Variants in UNC5D observed in about 807,000 individuals in gnomAD.
UNC5D encodes the protein unc-5 netrin receptor D.
A neutral mutation model predicts 105.4 loss-of-function variants in UNC5D; 39 were observed. The observed-to-expected ratio is 0.37, with a 90% CI of 0.29 to 0.48. UNC5D has a LOEUF of 0.48. Among genes scored for constraint, UNC5D ranks in the 20% least tolerant of loss-of-function variants. UNC5D has a pLI of 0.98. For synonymous variants in UNC5D, 452 were observed against 450.4 expected, an observed-to-expected ratio of 1.00 and a Z score of -0.04; for missense variants, 991 against 1,202.4, an observed-to-expected ratio of 0.82 and a Z score of 2.60.
intron 1 of UNC5D, among the ~76,000 whole-genome samples, chr8:35,441,705 G>A (rs1043347189): frequency 1.3e-5 from 2 of 151,618 alleles, no homozygotes; most frequent in East Asian, 1.9e-4. Context: ...TATAAAATAA[G>A]TTGCCCATTT....
chr8:35,626,140 T>C (rs1040414361), intron 4 of UNC5D, among the ~76,000 whole-genome samples: 4 of 151,852 alleles, frequency 2.6e-5, no homozygotes, highest in African/African-American at 9.7e-5. Flanking sequence ...GACCTCATGT[T>C]CCATTGTGTC....
At chr8:35,599,444 C>T (rs1166850676) in intron 4 of UNC5D, among the ~76,000 whole-genome samples, 1 of 152,080 alleles carries the variant, frequency 6.6e-6, no homozygotes, top group Admixed American at 6.6e-5. Flanking sequence ...TTCGACAGTA[C>T]ACACATATTT....
At chr8:35,525,069 G>A in intron 1 of UNC5D, 3 of 1,031,840 alleles carry the variant, frequency 2.9e-6, no homozygotes, top group Non-Finnish European at 2.8e-6. Flanking sequence ...TTTGTTAAGA[G>A]CCAACAGGAC....
intron 3 of UNC5D, among the ~76,000 whole-genome samples, chr8:35,570,370 G>C (rs141076171): frequency 0.012 from 1,831 of 152,178 alleles, 17 homozygotes; most frequent in Non-Finnish European, 0.018. Context: ...ATTGATAAAA[G>C]GGTGCCTGGT....
intron 1 of UNC5D, among the ~76,000 whole-genome samples, chr8:35,501,488 T>C (rs990758506): frequency 2.0e-5 from 3 of 152,238 alleles, no homozygotes; most frequent in Admixed American, 2.0e-4. Flanking sequence ...TAAGCTCCTC[T>C]TGGAGGGAAA....
intron 16 of UNC5D, among the ~76,000 whole-genome samples, chr8:35,785,141 G>A (rs1452745128): frequency 1.3e-5 from 2 of 151,922 alleles, no homozygotes; most frequent in Non-Finnish European, 2.9e-5. Context: ...TATTAACAAT[G>A]TTCCCTGAAT....
chr8:35,765,884 T>G (rs367601846), intron 14 of UNC5D, among the ~76,000 whole-genome samples: 213 of 152,208 alleles, frequency 1.4e-3, no homozygotes, highest in African/African-American at 4.1e-3. Context: ...AGCAAACTAA[T>G]AAGGTGAGAA....
chr8:35,661,773 C>T (rs1824119971), intron 4 of UNC5D, among the ~76,000 whole-genome samples: 2 of 152,160 alleles, frequency 1.3e-5, no homozygotes, highest in African/African-American at 2.4e-5. Flanking sequence ...TCCTCAGTCA[C>T]AGGTGAAGTA....
intron 4 of UNC5D, among the ~76,000 whole-genome samples, chr8:35,641,366 C>CAAAAAAAAAAAAAAAAAAACAAAAAA (rs377021599): frequency 2.3e-5 from 1 of 44,292 alleles, no homozygotes. Flanking sequence ...AAAAATAAAG[C>CAAAAAAAAAAAAAAAAAAACAAAAAA]AAAAAAAAAA....
intron 4 of UNC5D, among the ~76,000 whole-genome samples, chr8:35,671,349 G>C (rs1477725783): frequency 6.6e-6 from 1 of 152,118 alleles, no homozygotes; most frequent in Non-Finnish European, 1.5e-5. Flanking sequence ...ACTTGACTTT[G>C]TTCTTTCCAG....
intron 13 of UNC5D, among the ~76,000 whole-genome samples, chr8:35,753,706 A>G (rs184696320): frequency 1.3e-5 from 2 of 152,282 alleles, no homozygotes. Context: ...GTTTGGTTGT[A>G]CTTGTTATTG....
intron 1 of UNC5D, among the ~76,000 whole-genome samples, chr8:35,529,497 TG>T (rs1814167251): frequency 6.9e-6 from 1 of 144,030 alleles, no homozygotes; most frequent in South Asian, 2.3e-4. Flanking sequence ...CCTCCAGCTT[TG>T]TTCTTTTGGC....
rs139824174 is a variant in UNC5D at position 35,657,561 on chromosome 8, T to C, written c.571-25986T>C. Among the ~76,000 whole-genome samples the C allele has an allele frequency of 5.9e-3, 901 of 152,326 alleles. 12 individuals carry two copies. The highest frequency in any genetic ancestry group is 0.02 in the African/African-American group (821 of 41,552). Reference sequence around the variant, plus strand: ...GTGCAGTGGCTGGATCATAGCTCACTGTAACCTTGGACTCCTGGGCTCAAA... The same window carrying C: ...GTGCAGTGGCTGGATCATAGCTCACCGTAACCTTGGACTCCTGGGCTCAAA... On this transcript the variant is annotated intron_variant, in intron 4 of 16. Transcript: ENST00000404895.
At chr8:35,525,498 C>T in intron 1 of UNC5D, 1 of 1,612,332 alleles carries the variant, frequency 6.2e-7, no homozygotes, top group African/African-American at 1.3e-5. Flanking sequence ...CCGTGCTTTG[C>T]TGGCAAGCTT....
intron 1 of UNC5D, among the ~76,000 whole-genome samples, chr8:35,387,123 G>A (rs1803455501): frequency 6.6e-6 from 1 of 151,796 alleles, no homozygotes; most frequent in African/African-American, 2.4e-5. Flanking sequence ...CACTTTGGGA[G>A]GCCGAGGGGG....
rs779408006 is a variant in UNC5D, at chr8:35,683,533, C to T, written c.571-14C>T. The T allele has an allele frequency of 3.2e-6, 5 of 1,554,082 alleles. No homozygotes were observed. In the African/African-American group the frequency reaches 7.1e-5, roughly 22 times the overall value. On this transcript the variant is annotated splice_polypyrimidine_tract_variant and intron_variant, in intron 4 of 16. Transcript: ENST00000404895. ...TTTTTTTAGTGACTTGTAAACATTCCTTTCTTCCTGTAGGTGGAATGGCTG... is the reference window on the plus strand; with the variant it reads ...TTTTTTTAGTGACTTGTAAACATTCTTTTCTTCCTGTAGGTGGAATGGCTG...
intron 1 of UNC5D, among the ~76,000 whole-genome samples, chr8:35,342,920 A>G (rs1015431188): frequency 6.6e-6 from 1 of 152,150 alleles, no homozygotes; most frequent in Admixed American, 6.6e-5. Context: ...AGAGCATTTT[A>G]AACAAATACC....
intron 1 of UNC5D, among the ~76,000 whole-genome samples, chr8:35,456,030 A>G (rs960791911): frequency 3.9e-5 from 6 of 152,182 alleles, no homozygotes; most frequent in Non-Finnish European, 8.8e-5. Context: ...AAACAGATGT[A>G]TAGGGATTCT....
intron 4 of UNC5D, among the ~76,000 whole-genome samples, chr8:35,680,105 C>G (rs539909943): frequency 6.6e-6 from 1 of 152,290 alleles, no homozygotes; most frequent in South Asian, 2.1e-4. Context: ...ATGATCTGAT[C>G]TCCTCTGTAA....
Sources: gnomAD v4.1 joint callset for allele counts (sites outside exome capture counted in the v4.1 genomes callset) on GRCh38, gnomAD v4.1.1 for gene constraint, MANE v1.5 for transcripts, NCBI Gene and HGNC (gene_info 2026-07-23, HGNC 2026-07-21) for gene names.